PROSER2: variants seen among roughly 807,000 people sequenced by gnomAD.
The protein encoded by PROSER2 is proline and serine rich 2, also known as proline and serine-rich protein 2.
A neutral mutation model predicts 14.6 loss-of-function variants in PROSER2; 18 were observed. That is an observed-to-expected ratio of 1.23 (90% confidence interval 0.85 to 1.83). PROSER2 has a LOEUF of 1.83. Ranked by LOEUF, PROSER2 falls within the 40% of genes most tolerant of loss-of-function variation. PROSER2 has a pLI of 0.00. For synonymous variants in PROSER2, 367 were observed against 286.4 expected (o/e 1.28, Z -2.84); for missense variants, 823 against 629.8 (o/e 1.31, Z -3.28).
chr10:11,870,064 G>C lies in PROSER2; in HGVS notation c.966G>C (p.Leu322=). The C allele has an allele frequency of 8.0e-7, 1 of 1,252,674 alleles. No individual in the cohort carries two copies. The highest frequency in any genetic ancestry group is 1.0e-6 in the Non-Finnish European group (1 of 998,800). 77.6% of individuals were successfully genotyped at this position (1,252,674 alleles called of 1,614,324 possible). The change falls in exon 4 of 4, where the codon CTG becomes CTC. Residue 322 remains leucine, a synonymous_variant. Coordinates refer to ENST00000277570, the MANE Select transcript of PROSER2 (RefSeq NM_153256.4). ...AGCGGGTGGCGCGTGGCCGGGGCCT[G>C]CCGGGCCCCGCTGAGAGTCTCCGGG... ...SPERVARGRG[L]PGPAESLRAG...
chr10:11,839,658 C>T (rs2131055788), intron 1 of PROSER2, among the ~76,000 whole-genome samples: 1 of 151,932 alleles, frequency 6.6e-6, no homozygotes, highest in Non-Finnish European at 1.5e-5. Context: ...AATCCCGTCT[C>T]TACTAAAAAC....
rs1446355677 is a variant in PROSER2 at position 11,865,374 on chromosome 10, G to C, written c.139-1157G>C. ...TATCCCCTCTTATCTGACAACTGATGATAGCCTTTTTGAAGTTTTCCATCA... is the reference window on the plus strand; with the variant it reads ...TATCCCCTCTTATCTGACAACTGATCATAGCCTTTTTGAAGTTTTCCATCA... On this transcript the variant is annotated intron_variant, in intron 2 of 3. Coordinates refer to ENST00000277570, the MANE Select transcript of PROSER2 (RefSeq NM_153256.4). The surrounding 1 kb of genome is among the most constrained non-coding windows in gnomAD (Gnocchi z 4.2). Among the ~76,000 whole-genome samples, 1 of 152,108 alleles carries C rather than the reference G, an allele frequency of 6.6e-6. No homozygotes were observed. The highest frequency in any genetic ancestry group is 1.9e-4 in the East Asian group (1 of 5,198).
Position 11,838,063 on chromosome 10 carries a change from CTG to C in PROSER2, c.-81-13933_-81-13932del. 6.6e-6 allele frequency among the ~76,000 whole-genome samples: 1 copy of C among 152,016 alleles called. No homozygotes were observed. Among genetic ancestry groups the C allele is most frequent in the South Asian group, 2.1e-4 (1 of 4,810 alleles). On this transcript the variant is annotated intron_variant, in intron 1 of 3. Coordinates refer to ENST00000277570, the MANE Select transcript of PROSER2 (RefSeq NM_153256.4). The surrounding 1 kb of genome is among the most constrained non-coding windows in gnomAD (Gnocchi z 4.4). ...AAAGGCTCCAAGGTGCTGAAATGACCTGATAAATCATTTCTTTAACCTCCAGG... is the reference window on the plus strand; with the variant it reads ...AAAGGCTCCAAGGTGCTGAAATGACCATAAATCATTTCTTTAACCTCCAGG...
In PROSER2 at chr10:11,871,866, G is replaced by C. The variant is rs1023138696; in HGVS notation, c.*1460G>C. 6.6e-6 allele frequency: 1 copy of C among 152,172 alleles called. No individual in the cohort carries two copies. Among genetic ancestry groups the C allele is most frequent in the African/African-American group, 2.4e-5 (1 of 41,428 alleles). The allele number at this position is 152,172 out of a possible 1,614,324, so 9.4% of individuals were successfully genotyped here. A position where few individuals can be genotyped will look rare whatever the true frequency, so the allele number is the denominator to read the frequency against. ...TTTTTCATAGTATCCCATTTGCCTT[G>C]TAAGTTATATAAAGTGCATGATTAT... On this transcript the variant is annotated 3_prime_UTR_variant, in exon 4 of 4. Coordinates refer to ENST00000277570, the MANE Select transcript of PROSER2 (RefSeq NM_153256.4).
At position 11,870,425 on chromosome 10, in the gene PROSER2, T is replaced by C; in HGVS notation, c.*19T>C. 6.9e-7 allele frequency: 1 copy of C among 1,456,298 alleles called. No homozygotes were observed. Among genetic ancestry groups the C allele is most frequent in the Non-Finnish European group, 9.0e-7 (1 of 1,107,254 alleles). The allele number at this position is 1,456,298 out of a possible 1,614,324, so 90.2% of individuals were successfully genotyped here. ...TTCGTGAGGGCCGCGCGGGCTCCAG[T>C]CCACCCCGTTTCTCCCCACCCTGAA... is the stretch of plus-strand genomic sequence containing the variant. On this transcript the variant is annotated 3_prime_UTR_variant, in exon 4 of 4. Transcript: ENST00000277570.
At chr10:11,858,340 C>T (rs1452803026) in intron 2 of PROSER2, among the ~76,000 whole-genome samples, 10 of 152,334 alleles carry the variant, frequency 6.6e-5, no homozygotes, top group Middle Eastern at 3.4e-3. Context: ...CTAATCTGTG[C>T]TGGTATAGCA....
chr10:11,852,038 T>G lies in PROSER2; in HGVS notation c.-40T>G. ...CAGAATGGGCTGCTGGCTCCTGCCC[T>G]GCTTCCTGTGATCGAGCCGGCCCTG... On this transcript the variant is annotated 5_prime_UTR_variant, in exon 2 of 4. Coordinates refer to ENST00000277570, the MANE Select transcript of PROSER2 (RefSeq NM_153256.4). 6 of 1,561,464 alleles carry G rather than the reference T, an allele frequency of 3.8e-6. No homozygotes were observed. The highest frequency in any genetic ancestry group is 1.9e-4 in the Middle Eastern group (1 of 5,266).
Position 11,837,578 on chromosome 10 carries a change from C to G in PROSER2, c.-82+14108C>G, listed in dbSNP as rs979973069. On this transcript the variant is annotated intron_variant, in intron 1 of 3. Transcript: ENST00000277570. This position sits in a 1 kb window ranked among gnomAD's most constrained non-coding sequence, Gnocchi z 4.6. ...AAGTGTTTGCAATGGCAATGAGTTG[C>G]GTAACATAGACATACTAAGCAAGAT... is the stretch of plus-strand genomic sequence containing the variant. Among the ~76,000 whole-genome samples the G allele has an allele frequency of 4.6e-5, 7 of 152,152 alleles. No individual in the cohort carries two copies. Among genetic ancestry groups the G allele is most frequent in the African/African-American group, 1.7e-4 (7 of 41,438 alleles).
chr10:11,829,256 C>T (rs1833657486), intron 1 of PROSER2, among the ~76,000 whole-genome samples: 1 of 151,446 alleles, frequency 6.6e-6, no homozygotes, highest in Admixed American at 6.6e-5. Flanking sequence ...TGTCAATTGT[C>T]GAATTGAATT....
chr10:11,868,088 C>G (rs1179131904), intron 3 of PROSER2, among the ~76,000 whole-genome samples: 3 of 152,192 alleles, frequency 2.0e-5, no homozygotes, highest in Non-Finnish European at 4.4e-5. Context: ...TTGCAGCCAT[C>G]TCTTCAAAGA....
chr10:11,869,362 TCA>T lies in PROSER2; in HGVS notation c.392-125_392-124del, dbSNP rs1245814186. The T allele has an allele frequency of 1.6e-5, 11 of 677,494 alleles. No homozygotes were observed. The highest frequency in any genetic ancestry group is 1.4e-4 in the African/African-American group (8 of 55,874). The allele number at this position is 677,494 out of a possible 1,614,324, so 42.0% of individuals were successfully genotyped here. On this transcript the variant is annotated intron_variant, in intron 3 of 3. Transcript: ENST00000277570. This position sits in a 1 kb window ranked among gnomAD's most constrained non-coding sequence, Gnocchi z 4.4. ...CAGGAACAGGGAGAGAGGAGTTGAC[TCA>T]CAGGCAGCACCGGCGAAGTTGGTGT...
At chr10:11,828,856 C>T (rs1316218820) in intron 1 of PROSER2, among the ~76,000 whole-genome samples, 1 of 152,084 alleles carries the variant, frequency 6.6e-6, no homozygotes, top group Non-Finnish European at 1.5e-5. Flanking sequence ...CATTCAATGT[C>T]CGATGTGAAT....
At position 11,852,170 on chromosome 10, in the gene PROSER2, C is replaced by G; in HGVS notation, c.93C>G (p.Ser31Arg). 5 of 1,613,236 alleles carry G rather than the reference C, an allele frequency of 3.1e-6. No homozygotes were observed. The highest frequency in any genetic ancestry group is 2.5e-6 in the Non-Finnish European group (3 of 1,179,662). Residue 31 changes from serine (S) to arginine (R), a missense_variant, in exon 2 of 4, where the codon AGC becomes AGG. Physicochemically the swap from Ser to Arg is moderately radical, Grantham distance 110 (BLOSUM62 -1). Transcript: ENST00000277570. Reference protein sequence around the residue: ...CRLRAFSRGGSLESRSSSSRS... With the variant: ...CRLRAFSRGGRLESRSSSSRS... Reference sequence around the variant, plus strand: ...TCCGAGCCTTCAGCAGAGGCGGCAGCCTGGAGAGTCGAAGCAGCAGCTCTC... The same window carrying G: ...TCCGAGCCTTCAGCAGAGGCGGCAGGCTGGAGAGTCGAAGCAGCAGCTCTC...
chr10:11,841,129 TTCATTTTCATTAG>T (rs1426059518), intron 1 of PROSER2, among the ~76,000 whole-genome samples: 1 of 151,272 alleles, frequency 6.6e-6, no homozygotes, highest in Non-Finnish European at 1.5e-5. Flanking sequence ...TGTCTGCCGA[TTCATTTTCATTAG>T]TGGTTATAAG....
At chr10:11,848,844 T>G (rs1379844613) in intron 1 of PROSER2, among the ~76,000 whole-genome samples, 1 of 152,192 alleles carries the variant, frequency 6.6e-6, no homozygotes, top group Non-Finnish European at 1.5e-5. Flanking sequence ...GATTCTTTTT[T>G]CTGTTAGGAA....
At chr10:11,852,775 G>A (rs1460339520) in intron 2 of PROSER2, among the ~76,000 whole-genome samples, 2 of 146,230 alleles carry the variant, frequency 1.4e-5, no homozygotes, top group Non-Finnish European at 3.0e-5. Flanking sequence ...GCCCACCTCA[G>A]CTTCCCAAAG....
At chr10:11,848,422 G>C (rs1833958562) in intron 1 of PROSER2, among the ~76,000 whole-genome samples, 1 of 152,202 alleles carries the variant, frequency 6.6e-6, no homozygotes, top group Non-Finnish European at 1.5e-5. Context: ...ACCCACCTTG[G>C]CCTCCCAAAG....
intron 1 of PROSER2, among the ~76,000 whole-genome samples, chr10:11,833,721 G>A (rs1000369733): frequency 3.9e-5 from 6 of 152,072 alleles, no homozygotes; most frequent in Non-Finnish European, 8.8e-5. Flanking sequence ...TTGCCTACAA[G>A]GAGTTTATCG....
chr10:11,848,884 G>A (rs988609334), intron 1 of PROSER2, among the ~76,000 whole-genome samples: 1 of 152,146 alleles, frequency 6.6e-6, no homozygotes, highest in African/African-American at 2.4e-5. Flanking sequence ...TGTTGAAGTG[G>A]TGTTTGGAGA....
Sources: allele counts gnomAD v4.1 joint callset (sites outside exome capture counted in the v4.1 genomes callset), GRCh38; gene constraint gnomAD v4.1.1; non-coding constraint Gnocchi (gnomAD v3.1); transcripts MANE v1.5; gene names NCBI Gene and HGNC (gene_info 2026-07-23, HGNC 2026-07-21).